Variants in TBC1D32 observed in about 807,000 individuals in gnomAD.
TBC1D32 encodes the protein protein broad-minded.
Under a neutral mutation model 170.3 loss-of-function variants are expected in TBC1D32, and 151 were observed. That is an observed-to-expected ratio of 0.89 (90% CI 0.78 to 1.01). The LOEUF is 1.01. TBC1D32 is among the 50% of genes least tolerant of loss of function. The pLI is 0.00. For synonymous variants in TBC1D32, 498 were observed against 488.0 expected, an observed-to-expected ratio of 1.02 and a Z score of -0.27; for missense variants, 1,464 against 1,457.1, an observed-to-expected ratio of 1.00 and a Z score of -0.08.
At chr6:121,191,345 GAGA>G (rs1165954592) in intron 22 of TBC1D32, among the ~76,000 whole-genome samples, 9 of 152,136 alleles carry the variant, frequency 5.9e-5, no homozygotes, top group Admixed American at 1.3e-4. Context: ...TCAAAATCAA[GAGA>G]AGAACATAAA....
At chr6:121,266,471 T>C (rs1486450526) in intron 15 of TBC1D32, among the ~76,000 whole-genome samples, 2 of 152,306 alleles carry the variant, frequency 1.3e-5, no homozygotes, top group Non-Finnish European at 2.9e-5. Flanking sequence ...TTGGTGGGAA[T>C]GTAAATTAGT....
chr6:121,110,441 A>G (rs1455931442), intron 29 of TBC1D32, among the ~76,000 whole-genome samples: 1 of 151,928 alleles, frequency 6.6e-6, no homozygotes, highest in Admixed American at 6.6e-5. Context: ...ATAGGCTATA[A>G]AAAAGGTAAA....
At chr6:121,253,501 G>A (rs1379956366) in intron 17 of TBC1D32, among the ~76,000 whole-genome samples, 7 of 152,094 alleles carry the variant, frequency 4.6e-5, no homozygotes, top group Non-Finnish European at 4.4e-5. Flanking sequence ...GGCGGATCAC[G>A]AGGTCAGAAG....
chr6:121,267,683 G>C (rs1267975164), intron 15 of TBC1D32, among the ~76,000 whole-genome samples: 1 of 152,142 alleles, frequency 6.6e-6, no homozygotes, highest in Non-Finnish European at 1.5e-5. Context: ...GCCACCTCTG[G>C]GGACAGGGCA....
intron 31 of TBC1D32, among the ~76,000 whole-genome samples, chr6:121,083,785 C>T (rs1042333313): frequency 6.6e-6 from 1 of 152,072 alleles, no homozygotes; most frequent in African/African-American, 2.4e-5. Flanking sequence ...TTTATTGACT[C>T]TAAGCCTCAA....
chr6:121,135,997 C>T (rs1185809965), intron 24 of TBC1D32, among the ~76,000 whole-genome samples: 1 of 152,036 alleles, frequency 6.6e-6, no homozygotes, highest in African/African-American at 2.4e-5. Context: ...ATTTAGCACT[C>T]AATGTAAAGC....
At chr6:121,195,041 C>T (rs1290780949) in intron 22 of TBC1D32, among the ~76,000 whole-genome samples, 1 of 152,326 alleles carries the variant, frequency 6.6e-6, no homozygotes, top group East Asian at 1.9e-4. Flanking sequence ...CATTTGGCCT[C>T]TCCTACAAAC....
At chr6:121,108,888 T>C (rs1043977504) in intron 29 of TBC1D32, among the ~76,000 whole-genome samples, 6 of 152,168 alleles carry the variant, frequency 3.9e-5, no homozygotes, top group African/African-American at 1.4e-4. Context: ...TGTGCCACGC[T>C]TTACAGCAAT....
intron 21 of TBC1D32, among the ~76,000 whole-genome samples, chr6:121,206,706 A>T (rs1043837925): frequency 1.3e-5 from 2 of 152,166 alleles, no homozygotes; most frequent in South Asian, 4.1e-4. Context: ...CTAGCATGAG[A>T]GTTTAAATTG....
chr6:121,331,075 C>A (rs1371374473), intron 1 of TBC1D32, among the ~76,000 whole-genome samples: 1 of 152,196 alleles, frequency 6.6e-6, no homozygotes, highest in Non-Finnish European at 1.5e-5. Context: ...TAGTTTCTCC[C>A]CAAATGACAC....
Position 121,131,634 on chromosome 6 carries a change from A to G in TBC1D32, c.2892T>C (p.Ser964=). 6.2e-7 allele frequency: 1 copy of G among 1,610,598 alleles called. No individual in the cohort carries two copies. The highest frequency in any genetic ancestry group is 8.5e-7 in the Non-Finnish European group (1 of 1,178,260). The change falls in exon 25 of 32, where the codon AGT becomes AGC. Residue 964 remains serine, a synonymous_variant. Transcript: ENST00000398212. ...KMMKAKPDII[S]GEALIELLEK... is the part of the protein sequence containing the mutation. ...TGGAAACAATGTACTTACCCTCTCC[A>G]CTGATTATATCAGGTTTGGCTTTCA...
chr6:121,122,081 T>C (rs542204409), intron 26 of TBC1D32, among the ~76,000 whole-genome samples: 2 of 152,130 alleles, frequency 1.3e-5, no homozygotes, highest in South Asian at 4.1e-4. Context: ...AATCATTCCA[T>C]CCTCCTAGTA....
intron 15 of TBC1D32, among the ~76,000 whole-genome samples, chr6:121,256,742 T>A (rs2128397331): frequency 6.6e-6 from 1 of 151,376 alleles, no homozygotes; most frequent in African/African-American, 2.4e-5. Flanking sequence ...AATGGCGCGG[T>A]CTTGGCTCAC....
chr6:121,280,882 C>G (rs1047674162), intron 14 of TBC1D32, among the ~76,000 whole-genome samples: 3 of 151,704 alleles, frequency 2.0e-5, no homozygotes, highest in African/African-American at 7.2e-5. Context: ...AGCTTTTAAC[C>G]TATTGATAAG....
At chr6:121,196,452 G>A (rs1411400034) in intron 22 of TBC1D32, among the ~76,000 whole-genome samples, 1 of 152,206 alleles carries the variant, frequency 6.6e-6, no homozygotes, top group Non-Finnish European at 1.5e-5. Flanking sequence ...TATGGAAAGG[G>A]CAGAGGTTTG....
chr6:121,310,659 T>C (rs764096691), intron 4 of TBC1D32, 120 bp downstream of exon 4: 2 of 686,220 alleles, frequency 2.9e-6, no homozygotes, highest in Non-Finnish European at 5.1e-6. Flanking sequence ...CAGTCCAGGA[T>C]TGCCCATAAT....
At chr6:121,159,241 G>T (rs1042520992) in intron 24 of TBC1D32, among the ~76,000 whole-genome samples, 6 of 151,998 alleles carry the variant, frequency 3.9e-5, no homozygotes, top group African/African-American at 1.5e-4. Flanking sequence ...CTAATTATTT[G>T]AATGCATTCT....
chr6:121,277,943 T>C (rs1014895305), intron 15 of TBC1D32, among the ~76,000 whole-genome samples: 13 of 151,848 alleles, frequency 8.6e-5, no homozygotes, highest in African/African-American at 2.9e-4. Context: ...TCACTACTCA[T>C]TTCAATGATA....
intron 20 of TBC1D32, among the ~76,000 whole-genome samples, chr6:121,223,869 G>A (rs1002624083): frequency 6.6e-6 from 1 of 152,004 alleles, no homozygotes; most frequent in African/African-American, 2.4e-5. Flanking sequence ...CCCATTTTCT[G>A]GTGCAATTTT....
Sources: allele counts gnomAD v4.1 joint callset (sites outside exome capture counted in the v4.1 genomes callset), GRCh38; gene constraint gnomAD v4.1.1; transcripts MANE v1.5; gene names NCBI Gene and HGNC (gene_info 2026-07-23, HGNC 2026-07-21).